The following PLEKHM3 variants were observed in gnomAD, a reference collection of about 807,000 sequenced individuals.
PLEKHM3 encodes pleckstrin homology domain containing M3, also known as pleckstrin homology domain-containing family M member 3.
Under a neutral mutation model 81.8 loss-of-function variants are expected in PLEKHM3, and 45 were observed. The observed-to-expected ratio is 0.55, with a 90% CI of 0.43 to 0.71. The LOEUF (loss-of-function observed/expected upper bound fraction) is 0.71. PLEKHM3 is among the 30% of genes least tolerant of loss of function. PLEKHM3 has a pLI of 0.00. For synonymous variants in PLEKHM3, 352 were observed against 356.4 expected (o/e 0.99, Z 0.14); for missense variants, 788 against 924.3 (o/e 0.85, Z 1.91).
chr2:207,970,284 A>ATTCT (rs1553562155), intron 3 of PLEKHM3, among the ~76,000 whole-genome samples: 143 of 150,016 alleles, frequency 9.5e-4, no homozygotes, highest in African/African-American at 3.1e-3. Context: ...CAAAAATGAA[A>ATTCT]CTCTCTCTCT....
At chr2:207,864,350 A>G (rs1163821191) in intron 6 of PLEKHM3, among the ~76,000 whole-genome samples, 2 of 152,222 alleles carry the variant, frequency 1.3e-5, no homozygotes, top group Non-Finnish European at 2.9e-5. Context: ...AGCCACTACC[A>G]AATCATATAT....
chr2:207,833,148 C>G (rs1389713368), intron 7 of PLEKHM3, among the ~76,000 whole-genome samples: 1 of 151,828 alleles, frequency 6.6e-6, no homozygotes, highest in East Asian at 1.9e-4. Context: ...CATTGGCCCC[C>G]CTGAGTACTC....
intron 7 of PLEKHM3, among the ~76,000 whole-genome samples, chr2:207,833,762 C>T (rs1389251394): frequency 6.6e-6 from 1 of 152,176 alleles, no homozygotes; most frequent in African/African-American, 2.4e-5. Flanking sequence ...GAACCACTGA[C>T]CTAATCTAGT....
At chr2:208,014,160 T>G (rs750730957) in intron 1 of PLEKHM3, among the ~76,000 whole-genome samples, 7 of 152,150 alleles carry the variant, frequency 4.6e-5, no homozygotes, top group Non-Finnish European at 1.0e-4. Flanking sequence ...TCTTAACCAA[T>G]TTAGTCAGGA....
In PLEKHM3 at chr2:207,943,772, G is replaced by A. The variant is rs899694038; in HGVS notation, c.1692+2595C>T. Among the ~76,000 whole-genome samples, 405 of 149,380 alleles carry A rather than the reference G, an allele frequency of 2.7e-3. 6 individuals carry two copies. Among genetic ancestry groups the A allele is most frequent in the African/African-American group, 9.5e-3 (385 of 40,536 alleles). On this transcript the variant is annotated intron_variant, in intron 4 of 7. Coordinates refer to ENST00000427836, the MANE Select transcript of PLEKHM3 (RefSeq NM_001080475.3). ...AGTCCCAGCTACTTGGGAGGCTGAGGCAGGAGAATGGCGTGAACCCGGGAG... is the reference window on the plus strand; with the variant it reads ...AGTCCCAGCTACTTGGGAGGCTGAGACAGGAGAATGGCGTGAACCCGGGAG...
At position 207,930,988 on chromosome 2, in the gene PLEKHM3, C is replaced by G. The variant is rs1331081664; in HGVS notation, c.1824G>C (p.Leu608=). 1.9e-6 allele frequency: 3 copies of G among 1,613,744 alleles called. No individual in the cohort carries two copies. The highest frequency in any genetic ancestry group is 1.1e-5 in the South Asian group (1 of 91,064). The change falls in exon 5 of 8, where the codon CTG becomes CTC. Residue 608 remains leucine (L), a synonymous_variant. Transcript: ENST00000427836. ...LAAVLRLRQR[L]KSLRAYLFSC... ...TGAACAAATAGGCTCGGAGCGACTT[C>G]AGCCGCTGCCGCAGCCGCAGCACGG...
Position 207,988,758 on chromosome 2 carries a change from C to T in PLEKHM3, c.611-11172G>A, listed in dbSNP as rs78759738. Among the ~76,000 whole-genome samples, 5 of 152,346 alleles carry T rather than the reference C, an allele frequency of 3.3e-5. No homozygotes were observed. In the East Asian group the frequency reaches 9.6e-4, roughly 29 times the overall value. On this transcript the variant is annotated intron_variant, in intron 2 of 7. Transcript: ENST00000427836. ...CTTCAGATTCCATGTGCTTACAACGCCTCTTCTTCCTGGTCCACATGACCT... is the reference window on the plus strand; with the variant it reads ...CTTCAGATTCCATGTGCTTACAACGTCTCTTCTTCCTGGTCCACATGACCT...
intron 1 of PLEKHM3, among the ~76,000 whole-genome samples, chr2:208,024,967 T>C (rs1488053829): frequency 1.3e-5 from 2 of 152,222 alleles, no homozygotes; most frequent in Non-Finnish European, 2.9e-5. Context: ...ATCAGTCATG[T>C]GGTGTCATTT....
chr2:207,957,589 T>C (rs1275405639), intron 3 of PLEKHM3, among the ~76,000 whole-genome samples: 2 of 151,992 alleles, frequency 1.3e-5, no homozygotes, highest in Non-Finnish European at 2.9e-5. Context: ...TCTCAGCTGT[T>C]TGGGAGGCTG....
intron 5 of PLEKHM3, among the ~76,000 whole-genome samples, chr2:207,923,880 C>CACACATATATATATAT (rs1319162543): frequency 3.5e-5 from 2 of 56,790 alleles, no homozygotes; most frequent in African/African-American, 7.1e-5. Context: ...CACACACACA[C>CACACATATATATATAT]ATATATATAT....
intron 6 of PLEKHM3, among the ~76,000 whole-genome samples, chr2:207,887,048 G>C (rs965668056): frequency 2.6e-5 from 4 of 152,132 alleles, no homozygotes; most frequent in African/African-American, 9.7e-5. Context: ...AAAACCCTTA[G>C]AACAGTAAAC....
At chr2:207,850,712 C>A (rs2092407624) in intron 7 of PLEKHM3, among the ~76,000 whole-genome samples, 1 of 152,102 alleles carries the variant, frequency 6.6e-6, no homozygotes, top group African/African-American at 2.4e-5. Flanking sequence ...AAGAAAGCTG[C>A]ATAGGAGGCA....
intron 6 of PLEKHM3, among the ~76,000 whole-genome samples, chr2:207,886,453 TTC>T (rs1244962046): frequency 6.6e-6 from 1 of 152,256 alleles, no homozygotes; most frequent in Non-Finnish European, 1.5e-5. Context: ...CATAGCTGCA[TTC>T]CACCTGTGTT....
intron 3 of PLEKHM3, among the ~76,000 whole-genome samples, chr2:207,961,081 C>CAT (rs1383724371): frequency 6.6e-6 from 1 of 152,208 alleles, no homozygotes; most frequent in Non-Finnish European, 1.5e-5. Flanking sequence ...GGCTCGGGGC[C>CAT]ATATAATAAA....
At chr2:207,926,526 T>C (rs1689399184) in intron 5 of PLEKHM3, among the ~76,000 whole-genome samples, 1 of 152,220 alleles carries the variant, frequency 6.6e-6, no homozygotes, top group Non-Finnish European at 1.5e-5. Context: ...GTCCTGACAT[T>C]GCCATGTATG....
intron 5 of PLEKHM3, among the ~76,000 whole-genome samples, chr2:207,917,874 T>C (rs577471125): frequency 6.6e-6 from 1 of 152,268 alleles, no homozygotes; most frequent in African/African-American, 2.4e-5. Flanking sequence ...GACATGTTCT[T>C]AATAAACTGC....
At chr2:208,012,194 A>G (rs1054242606) in intron 1 of PLEKHM3, among the ~76,000 whole-genome samples, 74 of 152,132 alleles carry the variant, frequency 4.9e-4, no homozygotes, top group African/African-American at 1.7e-3. Context: ...GGTGCCCGCC[A>G]CCACGCCCGG....
chr2:207,916,851 T>C (rs895842474), intron 5 of PLEKHM3, among the ~76,000 whole-genome samples: 2 of 152,188 alleles, frequency 1.3e-5, no homozygotes, highest in African/African-American at 4.8e-5. Context: ...TCTGAGTAAA[T>C]AAAGAGCTAT....
chr2:207,946,100 A>G (rs1330932819), intron 4 of PLEKHM3, among the ~76,000 whole-genome samples: 5 of 152,210 alleles, frequency 3.3e-5, no homozygotes, highest in Admixed American at 6.5e-5. Flanking sequence ...ATAATAAAAG[A>G]GGCTCCTCTC....
Sources: gnomAD v4.1 joint callset for allele counts (sites outside exome capture counted in the v4.1 genomes callset) on GRCh38, gnomAD v4.1.1 for gene constraint, MANE v1.5 for transcripts, NCBI Gene and HGNC (gene_info 2026-07-23, HGNC 2026-07-21) for gene names.